Variants in SNAP91 observed in about 807,000 individuals in gnomAD.
SNAP91 encodes the protein synaptosome associated protein 91.
Under a neutral mutation model 100.3 loss-of-function variants are expected in SNAP91, and 27 were observed. The ratio of observed to expected loss-of-function variants is 0.27; its 90% confidence interval spans 0.20 to 0.37. The LOEUF is 0.37. Among genes scored for constraint, SNAP91 ranks in the 10% least tolerant of loss-of-function variants. The pLI, the probability that SNAP91 is intolerant of heterozygous loss-of-function variation, is 1.00. For synonymous variants in SNAP91, 404 were observed against 398.6 expected, an observed-to-expected ratio of 1.01 and a Z score of -0.16; for missense variants, 986 against 1,123.7, an observed-to-expected ratio of 0.88 and a Z score of 1.75.
chr6:83,678,019 T>C (rs1183957256), intron 2 of SNAP91, among the ~76,000 whole-genome samples: 1 of 152,200 alleles, frequency 6.6e-6, no homozygotes, highest in Non-Finnish European at 1.5e-5. Context: ...AGGGAGATTT[T>C]AGAAGATATG....
chr6:83,635,548 T>C (rs549535118), intron 8 of SNAP91, among the ~76,000 whole-genome samples: 8 of 152,314 alleles, frequency 5.3e-5, no homozygotes, highest in Admixed American at 2.6e-4. Flanking sequence ...TGGATCTTTT[T>C]TCATCCCTTT....
intron 17 of SNAP91, 84 bp from the exon 18 acceptor site, chr6:83,593,825 C>A: frequency 6.7e-7 from 1 of 1,493,764 alleles, no homozygotes; most frequent in Non-Finnish European, 8.9e-7. Flanking sequence ...CAAGAGACAC[C>A]TTATACAGAT....
At chr6:83,575,948 A>G (rs1817995823) in intron 25 of SNAP91, 75 bp downstream of exon 25, 5 of 752,306 alleles carry the variant, frequency 6.6e-6, no homozygotes, top group Non-Finnish European at 1.1e-5. Flanking sequence ...TACTCCAATG[A>G]GTAAAATGGT....
chr6:83,600,387 C>T (rs542563901), intron 16 of SNAP91, among the ~76,000 whole-genome samples: 4 of 152,300 alleles, frequency 2.6e-5, no homozygotes, highest in East Asian at 3.9e-4. Context: ...TTTCTTCCTC[C>T]AATTTCTTTA....
intron 24 of SNAP91, 125 bp downstream of exon 24, chr6:83,580,325 C>G: frequency 1.1e-6 from 1 of 944,508 alleles, no homozygotes; most frequent in Non-Finnish European, 1.6e-6. Flanking sequence ...TCCCTCCCTG[C>G]CATACTCACC....
At chr6:83,648,819 G>A (rs2098074140) in intron 7 of SNAP91, among the ~76,000 whole-genome samples, 1 of 152,062 alleles carries the variant, frequency 6.6e-6, no homozygotes, top group Admixed American at 6.6e-5. Context: ...CTTCATTACT[G>A]AGTTCTTTTA....
At chr6:83,585,012 C>T (rs1243859457) in intron 22 of SNAP91, among the ~76,000 whole-genome samples, 2 of 152,138 alleles carry the variant, frequency 1.3e-5, no homozygotes, top group Admixed American at 6.5e-5. Context: ...AATTAAACAG[C>T]TATTAAGTGA....
intron 2 of SNAP91, among the ~76,000 whole-genome samples, chr6:83,676,577 C>CAAGCA (rs1462386441): frequency 6.6e-6 from 1 of 152,150 alleles, no homozygotes; most frequent in Non-Finnish European, 1.5e-5. Flanking sequence ...TGGAGAAGAG[C>CAAGCA]AAGCAAGGGA....
intron 2 of SNAP91, among the ~76,000 whole-genome samples, chr6:83,678,325 C>A (rs945025042): frequency 6.6e-6 from 1 of 152,076 alleles, no homozygotes; most frequent in African/African-American, 2.4e-5. Context: ...AACCCTCATG[C>A]TCTAACCACA....
chr6:83,707,537 GTGT>G (rs2099397439), intron 2 of SNAP91, among the ~76,000 whole-genome samples: 1 of 32,878 alleles, frequency 3.0e-5, no homozygotes, highest in Non-Finnish European at 4.5e-5. Flanking sequence ...ATACATATGC[GTGT>G]GTGTGTGTGT....
In SNAP91 at chr6:83,591,199, T is replaced by C. The variant is rs774813804; in HGVS notation, c.2014+12A>G. 3 of 1,553,386 alleles carry C rather than the reference T, an allele frequency of 1.9e-6. No individual in the cohort carries two copies. In the Admixed American group the frequency reaches 5.0e-5, roughly 26 times the overall value. On this transcript the variant is annotated intron_variant, in intron 22 of 29. Coordinates refer to ENST00000369694, the MANE Select transcript of SNAP91 (RefSeq NM_001242792.2). ...ATTTAACTTCTACAAAATACCATTT[T>C]AATTTAATTACCAGCTAGTAGGTCT...
At chr6:83,695,051 C>A (rs1220351604) in intron 2 of SNAP91, among the ~76,000 whole-genome samples, 1 of 151,796 alleles carries the variant, frequency 6.6e-6, no homozygotes, top group Admixed American at 6.6e-5. Flanking sequence ...GTGGGCGGAT[C>A]ACTTGAGGCC....
At chr6:83,612,516 T>C (rs565255052) in intron 11 of SNAP91, among the ~76,000 whole-genome samples, 1 of 152,252 alleles carries the variant, frequency 6.6e-6, no homozygotes, top group South Asian at 2.1e-4. Flanking sequence ...TTAATTTGTT[T>C]CTCTCTCAAG....
At chr6:83,573,893 C>G (rs1239817419) in intron 26 of SNAP91, among the ~76,000 whole-genome samples, 1 of 152,136 alleles carries the variant, frequency 6.6e-6, no homozygotes, top group African/African-American at 2.4e-5. Context: ...TAGGCATGGG[C>G]AAGGACTTCA....
chr6:83,647,066 T>C (rs1258554315), intron 7 of SNAP91, among the ~76,000 whole-genome samples: 2 of 138,304 alleles, frequency 1.4e-5, no homozygotes, highest in Non-Finnish European at 3.1e-5. Context: ...TAATTGCTTA[T>C]TAGTTCCAGG....
Position 83,687,310 on chromosome 6 carries a change from T to G in SNAP91, c.130+20488A>C, listed in dbSNP as rs566021738. ...TTTTAAGAAAAAATTGGCAGCAAAT[T>G]ATTTCATGTCCTTCAGGATATAAGA... is the stretch of plus-strand genomic sequence containing the variant. On this transcript the variant is annotated intron_variant, in intron 2 of 29. Coordinates refer to ENST00000369694, the MANE Select transcript of SNAP91 (RefSeq NM_001242792.2). Among the ~76,000 whole-genome samples, 5 of 152,280 alleles carry G rather than the reference T, an allele frequency of 3.3e-5. No homozygotes were observed. In the South Asian group the frequency reaches 1.0e-3, roughly 32 times the overall value.
rs1036788205 is a variant in SNAP91, at chr6:83,553,903, T to C, written c.*393A>G. On this transcript the variant is annotated 3_prime_UTR_variant, in exon 30 of 30. Coordinates refer to ENST00000369694, the MANE Select transcript of SNAP91 (RefSeq NM_001242792.2). Reference sequence around the variant, plus strand: ...AGAAAAGATAATTTATGGGAAGAGTTTGGGGTTTGTTCAAAAGTTATATGT... The same window carrying C: ...AGAAAAGATAATTTATGGGAAGAGTCTGGGGTTTGTTCAAAAGTTATATGT... 1.3e-5 allele frequency: 2 copies of C among 152,174 alleles called. No individual in the cohort carries two copies. The highest frequency in any genetic ancestry group is 4.8e-5 in the African/African-American group (2 of 41,438). The allele number at this position is 152,174 out of a possible 1,614,324, so 9.4% of individuals were successfully genotyped here.
chr6:83,653,488 T>C (rs1390318447), intron 7 of SNAP91, among the ~76,000 whole-genome samples: 1 of 152,186 alleles, frequency 6.6e-6, no homozygotes, highest in Non-Finnish European at 1.5e-5. Context: ...GATTTCCATC[T>C]CTCTGCTTAC....
At chr6:83,701,058 G>A (rs972548393) in intron 2 of SNAP91, among the ~76,000 whole-genome samples, 11 of 152,200 alleles carry the variant, frequency 7.2e-5, no homozygotes, top group African/African-American at 1.4e-4. Context: ...AATATTTAAA[G>A]AGGGGTACAG....
Sources: allele counts gnomAD v4.1 joint callset (sites outside exome capture counted in the v4.1 genomes callset), GRCh38; gene constraint gnomAD v4.1.1; transcripts MANE v1.5; gene names NCBI Gene and HGNC (gene_info 2026-07-23, HGNC 2026-07-21).